The following SRBD1 variants were observed in gnomAD, a reference collection of about 807,000 sequenced individuals.
The protein encoded by SRBD1 is S1 RNA-binding domain-containing protein 1.
SRBD1 carries 88 observed loss-of-function variants against 115.3 expected under a neutral mutation model. The ratio of observed to expected loss-of-function variants is 0.76; its 90% CI spans 0.64 to 0.91. SRBD1 has a LOEUF of 0.91. SRBD1 is among the 40% of genes least tolerant of loss of function. SRBD1 has a pLI of 0.00. For synonymous variants in SRBD1, 509 were observed against 407.7 expected, an observed-to-expected ratio of 1.25 and a Z score of -2.99; for missense variants, 1,385 against 1,177.4, an observed-to-expected ratio of 1.18 and a Z score of -2.58.
intron 15 of SRBD1, among the ~76,000 whole-genome samples, chr2:45,484,637 T>C (rs1418677393): frequency 6.6e-6 from 1 of 152,204 alleles, no homozygotes; most frequent in Non-Finnish European, 1.5e-5. Flanking sequence ...CAGAAGTCAG[T>C]GCTACTTAGC....
Position 45,389,116 on chromosome 2 carries a change from T to A in SRBD1, c.*194A>T, listed in dbSNP as rs1462492702. 1.5e-6 allele frequency: 1 copy of A among 666,412 alleles called. No individual in the cohort carries two copies. Among genetic ancestry groups the A allele is most frequent in the African/African-American group, 1.8e-5 (1 of 55,214 alleles). The allele number at this position is 666,412 out of a possible 1,614,324, so 41.3% of individuals were successfully genotyped here. On this transcript the variant is annotated 3_prime_UTR_variant, in exon 21 of 21. Transcript: ENST00000263736. Reference sequence around the variant, plus strand: ...AAGAATGTGTATTAGTTGTTTCCTTTAAGGGAAAAGGAAATCAAACTGTTG... The same window carrying A: ...AAGAATGTGTATTAGTTGTTTCCTTAAAGGGAAAAGGAAATCAAACTGTTG...
chr2:45,576,864 A>G (rs1186296448), intron 7 of SRBD1, among the ~76,000 whole-genome samples: 3 of 152,248 alleles, frequency 2.0e-5, no homozygotes, highest in Non-Finnish European at 2.9e-5. Context: ...CTTTGCAATA[A>G]GAAAGGGCCT....
Position 45,491,140 on chromosome 2 carries a change from C to T in SRBD1, c.1875-2809G>A, listed in dbSNP as rs1398954814. Reference sequence around the variant, plus strand: ...TTTTAATACCCTCCCTTTTTCATTCCTATTTAAGAGTTCAAGAATAGACAC... The same window carrying T: ...TTTTAATACCCTCCCTTTTTCATTCTTATTTAAGAGTTCAAGAATAGACAC... On this transcript the variant is annotated intron_variant, in intron 14 of 20. Transcript: ENST00000263736. 8.6e-5 allele frequency among the ~76,000 whole-genome samples: 13 copies of T among 151,850 alleles called. No individual in the cohort carries two copies. The East Asian group carries it at 2.5e-3, about 29-fold the overall frequency.
chr2:45,594,458 ACTT>A (rs1465203340), intron 4 of SRBD1, among the ~76,000 whole-genome samples: 1 of 152,192 alleles, frequency 6.6e-6, no homozygotes, highest in African/African-American at 2.4e-5. Flanking sequence ...GTAGCTGGTC[ACTT>A]CTTCAAATTC....
chr2:45,479,580 A>G (rs1253409518), intron 15 of SRBD1, among the ~76,000 whole-genome samples: 1 of 152,212 alleles, frequency 6.6e-6, no homozygotes, highest in African/African-American at 2.4e-5. Context: ...GAGAGAGGTG[A>G]GGAAACTGCA....
intron 14 of SRBD1, among the ~76,000 whole-genome samples, chr2:45,539,766 C>T (rs1671875649): frequency 6.6e-6 from 1 of 152,038 alleles, no homozygotes. Context: ...ACCATCAGTC[C>T]AGGCCTAAAT....
chr2:45,464,123 G>C (rs529926306), intron 16 of SRBD1, among the ~76,000 whole-genome samples: 1 of 151,474 alleles, frequency 6.6e-6, no homozygotes, highest in East Asian at 2.0e-4. Flanking sequence ...TGCAGAGGGG[G>C]TAAAGAAATG....
chr2:45,430,827 G>C (rs748672110), intron 16 of SRBD1, among the ~76,000 whole-genome samples: 6 of 152,030 alleles, frequency 3.9e-5, no homozygotes, highest in Non-Finnish European at 7.4e-5. Flanking sequence ...TTCTGCACAG[G>C]AAAAGAAACT....
Position 45,404,663 on chromosome 2 carries a change from G to T in SRBD1, c.2513+8451C>A, listed in dbSNP as rs78620519. Among the ~76,000 whole-genome samples, 1,035 of 152,176 alleles carry T rather than the reference G, an allele frequency of 6.8e-3. 14 individuals are homozygous for T. Among genetic ancestry groups the T allele is most frequent in the African/African-American group, 0.024 (985 of 41,504 alleles). On this transcript the variant is annotated intron_variant, in intron 19 of 20. Coordinates refer to ENST00000263736, the MANE Select transcript of SRBD1 (RefSeq NM_018079.5). Reference sequence around the variant, plus strand: ...TCTTTCTCTTGGATTACAGCAATTAGTTTAACTGGTCTCCCTGCTTCTACC... The same window carrying T: ...TCTTTCTCTTGGATTACAGCAATTATTTTAACTGGTCTCCCTGCTTCTACC...
intron 4 of SRBD1, among the ~76,000 whole-genome samples, chr2:45,593,393 C>G (rs987647056): frequency 3.9e-5 from 6 of 152,120 alleles, no homozygotes; most frequent in Non-Finnish European, 8.8e-5. Flanking sequence ...AAGGGCACAA[C>G]CAAGTGGAAG....
chr2:45,586,636 C>T lies in SRBD1; in HGVS notation c.649-862G>A, dbSNP rs570109706. Among the ~76,000 whole-genome samples, 9 of 151,984 alleles carry T rather than the reference C, an allele frequency of 5.9e-5. 1 individual carries two copies. Among genetic ancestry groups the T allele is most frequent in the Admixed American group, 1.3e-4 (2 of 15,244 alleles). ...CTGTGATTCAATGCAACCTTGAACTCGCAGGCTCAACTGATCCTCCAGCCT... is the reference window on the plus strand; with the variant it reads ...CTGTGATTCAATGCAACCTTGAACTTGCAGGCTCAACTGATCCTCCAGCCT... On this transcript the variant is annotated intron_variant, in intron 4 of 20. Transcript: ENST00000263736.
intron 1 of SRBD1, among the ~76,000 whole-genome samples, chr2:45,610,313 G>C (rs2104278647): frequency 6.6e-6 from 1 of 152,306 alleles, no homozygotes; most frequent in Middle Eastern, 3.4e-3. Flanking sequence ...GCAAACAAAG[G>C]AGGACAATTT....
chr2:45,389,130 A>G lies in SRBD1; in HGVS notation c.*180T>C. 1 of 726,808 alleles carries G rather than the reference A, an allele frequency of 1.4e-6. No homozygotes were observed. Among genetic ancestry groups the G allele is most frequent in the Non-Finnish European group, 2.2e-6 (1 of 457,962 alleles). The allele number at this position is 726,808 out of a possible 1,614,324, so 45.0% of individuals were successfully genotyped here. A position where few individuals can be genotyped will look rare whatever the true frequency, so the allele number is the denominator to read the frequency against. On this transcript the variant is annotated 3_prime_UTR_variant, in exon 21 of 21. Coordinates refer to ENST00000263736, the MANE Select transcript of SRBD1 (RefSeq NM_018079.5). ...GTTGTTTCCTTTAAGGGAAAAGGAAATCAAACTGTTGGTTTTCTATTTATT... is the reference window on the plus strand; with the variant it reads ...GTTGTTTCCTTTAAGGGAAAAGGAAGTCAAACTGTTGGTTTTCTATTTATT...
intron 16 of SRBD1, among the ~76,000 whole-genome samples, chr2:45,424,963 G>C (rs1668109244): frequency 1.3e-5 from 2 of 152,176 alleles, no homozygotes; most frequent in East Asian, 1.9e-4. Context: ...CTAGCTTGAA[G>C]AAAAGCTAAC....
At chr2:45,428,475 C>T (rs1289663387) in intron 16 of SRBD1, among the ~76,000 whole-genome samples, 3 of 152,014 alleles carry the variant, frequency 2.0e-5, no homozygotes, top group East Asian at 1.9e-4. Context: ...GGCGTGAACC[C>T]GGGAGGCGGA....
chr2:45,439,877 G>A (rs1397633199), intron 16 of SRBD1, among the ~76,000 whole-genome samples: 1 of 152,006 alleles, frequency 6.6e-6, no homozygotes, highest in East Asian at 1.9e-4. Context: ...GACAACAGCA[G>A]TGCCCTTAAC....
At chr2:45,490,973 AC>A (rs1670274429) in intron 14 of SRBD1, among the ~76,000 whole-genome samples, 1 of 152,136 alleles carries the variant, frequency 6.6e-6, no homozygotes, top group South Asian at 2.1e-4. Flanking sequence ...ATCTTAAATA[AC>A]CTAAATGCAC....
chr2:45,559,623 A>C (rs1672596814), intron 10 of SRBD1, among the ~76,000 whole-genome samples: 1 of 152,214 alleles, frequency 6.6e-6, no homozygotes, highest in Admixed American at 6.6e-5. Context: ...GAGGGTGAAG[A>C]AATAGGGAAA....
chr2:45,429,133 T>A (rs1221536647), intron 16 of SRBD1, among the ~76,000 whole-genome samples: 1 of 151,942 alleles, frequency 6.6e-6, no homozygotes. Context: ...AATAACAAGT[T>A]CTGAAATTGA....
Sources: allele counts gnomAD v4.1 joint callset (sites outside exome capture counted in the v4.1 genomes callset), GRCh38; gene constraint gnomAD v4.1.1; transcripts MANE v1.5; gene names NCBI Gene and HGNC (gene_info 2026-07-23, HGNC 2026-07-21).